The following GAK variants were observed in gnomAD, a reference collection of about 807,000 sequenced individuals.
GAK encodes cyclin-G-associated kinase.
In GAK, 79 loss-of-function variants were observed where a neutral mutation model predicts 143.9. The observed-to-expected ratio is 0.55, with a 90% CI of 0.46 to 0.66. GAK has a LOEUF of 0.66. Among genes scored for constraint, GAK ranks in the 30% least tolerant of loss-of-function variants. The pLI, the probability that GAK is intolerant of heterozygous loss-of-function variation, is 0.00. For missense variants in GAK, 1,693 were observed against 1,779.7 expected, an observed-to-expected ratio of 0.95 and a Z score of 0.88; for synonymous variants, 881 against 765.5, an observed-to-expected ratio of 1.15 and a Z score of -2.49.
At chr4:849,858 A>G in intron 27 of GAK, 34 bp downstream of exon 27, 4 of 1,349,450 alleles carry the variant, frequency 3.0e-6, no homozygotes, top group Non-Finnish European at 4.1e-6. Flanking sequence ...CCGCCCCTGA[A>G]GGCCTCAAGC....
In GAK at chr4:893,923, G is replaced by A. The variant is rs56058184; in HGVS notation, c.828C>T (p.Tyr276=). 239 of 1,612,710 alleles carry A rather than the reference G, an allele frequency of 1.5e-4. 2 individuals are homozygous for A. In the African/African-American group the frequency reaches 2.5e-3, roughly 17 times the overall value. Residue 276 remains tyrosine (Y), a synonymous_variant, in exon 8 of 28, where the codon TAC becomes TAT. Coordinates refer to ENST00000314167, the MANE Select transcript of GAK (RefSeq NM_005255.4). ...ACTGCGTGTCGTGCGGGGGGATCGA[G>A]TACTTCCCATTGACTATTCGAAGTT... ...GAKLRIVNGK[Y]SIPPHDTQYT...
In GAK at chr4:865,136, G is replaced by C; in HGVS notation, c.3152C>G (p.Thr1051Arg). The change falls in exon 23 of 28, where the codon ACG becomes AGG. Residue 1051 changes from threonine (T) to arginine (R), a missense_variant. Physicochemically the swap from Thr to Arg is moderately conservative, Grantham distance 71 (BLOSUM62 -1). This residue lies in a region of GAK where 822 missense variants were observed against 788.7 expected (regional missense o/e 1.04). Transcript: ENST00000314167. Reference protein sequence around the residue: ...TETAASAVAPTPATEGPLFSP... With the variant: ...TETAASAVAPRPATEGPLFSP... ...GGTGGCCATACCTTCTGTGGCTGGC[G>C]TGGGGGCCACTGCCGATGCTGCAGT... 5.0e-6 allele frequency: 8 copies of C among 1,609,376 alleles called. No homozygotes were observed. Among genetic ancestry groups the C allele is most frequent in the Non-Finnish European group, 6.8e-6 (8 of 1,177,818 alleles).
chr4:867,001 G>A lies in GAK; in HGVS notation c.2827C>T (p.Pro943Ser). ...DPLLLASPAP[P>S]LSVQSTPRGG... Reference sequence around the variant, plus strand: ...CTTGGGGTGCTCTGCACGCTCAGGGGAGGGGCCGGGCTTGCCAGGAGCAGC... The same window carrying A: ...CTTGGGGTGCTCTGCACGCTCAGGGAAGGGGCCGGGCTTGCCAGGAGCAGC... Residue 943 changes from proline to serine, a missense_variant, in exon 21 of 28, where the codon CCC becomes TCC. Physicochemically the swap from Pro to Ser is moderately conservative, Grantham distance 74. This residue lies in a region of GAK where 822 missense variants were observed against 788.7 expected (regional missense o/e 1.04). Transcript: ENST00000314167. 1.3e-6 allele frequency: 2 copies of A among 1,499,524 alleles called. No individual in the cohort carries two copies. The highest frequency in any genetic ancestry group is 8.9e-7 in the Non-Finnish European group (1 of 1,124,822). The allele number at this position is 1,499,524 out of a possible 1,614,324, so 92.9% of individuals were successfully genotyped here. A position where few individuals can be genotyped will look rare whatever the true frequency, so the allele number is the denominator to read the frequency against.
intron 1 of GAK, among the ~76,000 whole-genome samples, chr4:922,849 C>G (rs542753312): frequency 7.2e-5 from 11 of 152,206 alleles, no homozygotes; most frequent in Admixed American, 6.5e-5. Flanking sequence ...AAAACCTATA[C>G]GCAAGTGTCA....
Position 851,041 on chromosome 4 carries a change from C to T in GAK, c.3552G>A (p.Leu1184=). Residue 1184 remains leucine (L), a synonymous_variant, in exon 26 of 28, where the codon TTG becomes TTA. Transcript: ENST00000314167. ...KVSENDFEDL[L]SNQGFSSRSD... ...ACCTGGAGGAGAAGCCTTGATTGGA[C>T]AACAGATCTTCAAAGTCGTTCTCAG... 6.2e-7 allele frequency: 1 copy of T among 1,614,066 alleles called. No homozygotes were observed. The highest frequency in any genetic ancestry group is 8.5e-7 in the Non-Finnish European group (1 of 1,179,954).
At chr4:879,847 CTT>C (rs1714736138) in intron 15 of GAK, among the ~76,000 whole-genome samples, 1 of 152,234 alleles carries the variant, frequency 6.6e-6, no homozygotes, top group Admixed American at 6.5e-5. Flanking sequence ...CTACCCCACG[CTT>C]TCTCTCTGTG....
At position 913,496 on chromosome 4, in the gene GAK, C is replaced by A. The variant is rs886395922; in HGVS notation, c.207+111G>T. 5.9e-6 allele frequency: 5 copies of A among 843,818 alleles called. No individual in the cohort carries two copies. In the African/African-American group the frequency reaches 6.8e-5, roughly 11 times the overall value. The allele number at this position is 843,818 out of a possible 1,614,324, so 52.3% of individuals were successfully genotyped here. On this transcript the variant is annotated intron_variant, in intron 2 of 27. Transcript: ENST00000314167. ...AGCAAAAGGGACAAGTATGTCCAGG[C>A]TGTAAAAGGAAACAAAGTACGTAAC... is the stretch of plus-strand genomic sequence containing the variant.
chr4:898,448 A>G (rs1485424664), intron 5 of GAK, among the ~76,000 whole-genome samples: 1 of 152,258 alleles, frequency 6.6e-6, no homozygotes, highest in Non-Finnish European at 1.5e-5. Flanking sequence ...TCAGTAAATG[A>G]GCCTTCCTCA....
intron 23 of GAK, 103 bp from the exon 24 acceptor site, chr4:859,825 C>T: frequency 1.2e-6 from 1 of 823,946 alleles, no homozygotes; most frequent in Non-Finnish European, 2.0e-6. Context: ...AGCCTCACTC[C>T]TGCCTGAGAG....
chr4:925,588 T>C (rs941715262), intron 1 of GAK, among the ~76,000 whole-genome samples: 1 of 152,184 alleles, frequency 6.6e-6, no homozygotes, highest in African/African-American at 2.4e-5. Context: ...CCTCCAAAAT[T>C]CCTGTGTGAA....
At chr4:911,453 C>T (rs558405318) in intron 4 of GAK, among the ~76,000 whole-genome samples, 3 of 152,336 alleles carry the variant, frequency 2.0e-5, no homozygotes, top group East Asian at 3.9e-4. Context: ...CACGAGGAGA[C>T]GATGCAGGTG....
At chr4:889,637 T>G (rs1458448126) in intron 10 of GAK, among the ~76,000 whole-genome samples, 1 of 152,120 alleles carries the variant, frequency 6.6e-6, no homozygotes, top group African/African-American at 2.4e-5. Flanking sequence ...GCCCCAGACA[T>G]GGAGCTGAGC....
At chr4:888,419 A>G in intron 11 of GAK, 1 of 176,414 alleles carries the variant, frequency 5.7e-6, no homozygotes, top group South Asian at 1.3e-4. Context: ...GCCCACCCAG[A>G]GGGAGACTTT....
intron 24 of GAK, chr4:859,310 C>A (rs1005465527): frequency 7.5e-7 from 1 of 1,333,520 alleles, no homozygotes; most frequent in Non-Finnish European, 9.8e-7. Context: ...CATGCAGAGA[C>A]CCCGCCTCCC....
intron 24 of GAK, among the ~76,000 whole-genome samples, chr4:857,354 C>A (rs566373248): frequency 6.6e-6 from 1 of 152,102 alleles, no homozygotes; most frequent in Non-Finnish European, 1.5e-5. Flanking sequence ...GAAAGTGCTC[C>A]GTCTCTCCTG....
At chr4:908,693 C>T (rs909904785) in intron 4 of GAK, among the ~76,000 whole-genome samples, 2 of 151,946 alleles carry the variant, frequency 1.3e-5, no homozygotes, top group East Asian at 1.9e-4. Flanking sequence ...GAGGCTAAGG[C>T]GGGAGGACTG....
intron 1 of GAK, 80 bp from the exon 2 acceptor site, chr4:913,748 A>G: frequency 8.3e-7 from 1 of 1,210,714 alleles, no homozygotes. Flanking sequence ...TTCACTAAGT[A>G]AAATACAAAT....
chr4:888,754 C>A, intron 11 of GAK, 93 bp downstream of exon 11: 1 of 1,478,446 alleles, frequency 6.8e-7, no homozygotes, highest in Non-Finnish European at 9.1e-7. Context: ...GGCCTGATGA[C>A]CAGCTGTTCC....
At position 849,735 on chromosome 4, in the gene GAK, A is replaced by C; in HGVS notation, c.3874T>G (p.Phe1292Val). ...QPYEQHAKMI[F>V]MELNDAWSEF... ...GACCAGGCGTCATTCAGCTCCATGA[A>C]GATCATCTTGGCGTGCTGCTCGTAC... Residue 1292 changes from phenylalanine to valine, a missense_variant, in exon 28 of 28, where the codon TTC (phenylalanine) becomes GTC (valine). Around this residue, in one of 2 missense-constraint regions of GAK, gnomAD observed 822 missense variants for 788.7 expected, o/e 1.04. Transcript: ENST00000314167. 2.5e-6 allele frequency: 4 copies of C among 1,613,492 alleles called. No individual in the cohort carries two copies. The highest frequency in any genetic ancestry group is 2.5e-6 in the Non-Finnish European group (3 of 1,179,698).
Sources: allele counts gnomAD v4.1 joint callset (sites outside exome capture counted in the v4.1 genomes callset), GRCh38; gene constraint gnomAD v4.1.1; regional missense constraint gnomAD v4.1.1; transcripts MANE v1.5; gene names NCBI Gene and HGNC (gene_info 2026-07-23, HGNC 2026-07-21).